The following TACC2 variants were observed in gnomAD, a reference collection of about 807,000 sequenced individuals.
TACC2 encodes the protein transforming acidic coiled-coil containing protein 2, also known as transforming acidic coiled-coil-containing protein 2.
TACC2 carries 137 observed loss-of-function variants against 227.3 expected under a neutral mutation model. The observed-to-expected ratio is 0.60, with a 90% CI of 0.52 to 0.69. TACC2 has a LOEUF of 0.69. Among genes scored for constraint, TACC2 ranks in the 30% least tolerant of loss-of-function variants. The pLI is 0.00. For missense variants in TACC2, 3,470 were observed against 3,694.4 expected, an observed-to-expected ratio of 0.94 and a Z score of 1.57; for synonymous variants, 1,523 against 1,487.5, an observed-to-expected ratio of 1.02 and a Z score of -0.55.
chr10:122,162,134 T>G (rs2092854071), intron 7 of TACC2, among the ~76,000 whole-genome samples: 1 of 152,292 alleles, frequency 6.6e-6, no homozygotes. Context: ...AAAGTAAACC[T>G]TCTCAGTGTT....
At chr10:122,185,051 A>G (rs1593062947) in intron 7 of TACC2, among the ~76,000 whole-genome samples, 4 of 117,732 alleles carry the variant, frequency 3.4e-5, no homozygotes, top group Admixed American at 2.1e-4. Context: ...TTTTTAGTAG[A>G]GCTGGGATCT....
intron 22 of TACC2, among the ~76,000 whole-genome samples, chr10:122,252,308 C>T (rs1240122099): frequency 6.6e-6 from 1 of 152,098 alleles, no homozygotes; most frequent in Non-Finnish European, 1.5e-5. Context: ...GCCTCCATTT[C>T]CTCACTGAAA....
intron 16 of TACC2, among the ~76,000 whole-genome samples, chr10:122,233,935 G>A (rs1034690167): frequency 7.9e-5 from 12 of 152,158 alleles, no homozygotes; most frequent in African/African-American, 1.2e-4. Context: ...AGCACCCAGC[G>A]GAGGCCACTC....
At chr10:122,123,376 T>C (rs1490728311) in intron 5 of TACC2, among the ~76,000 whole-genome samples, 2 of 152,190 alleles carry the variant, frequency 1.3e-5, no homozygotes, top group Admixed American at 1.3e-4. Flanking sequence ...CAGGCCACAC[T>C]TGTCCACCCA....
intron 7 of TACC2, among the ~76,000 whole-genome samples, chr10:122,185,174 A>G (rs1433671897): frequency 1.5e-5 from 2 of 133,796 alleles, no homozygotes; most frequent in Non-Finnish European, 3.2e-5. Context: ...CCTATCACAT[A>G]CTCTTTTCTT....
chr10:122,133,998 G>A (rs903994919), intron 6 of TACC2, among the ~76,000 whole-genome samples: 3 of 152,122 alleles, frequency 2.0e-5, no homozygotes, highest in Admixed American at 6.5e-5. Flanking sequence ...GCAGGCGGCC[G>A]ACAGCACCAA....
At chr10:122,019,070 A>G (rs557475757) in intron 1 of TACC2, among the ~76,000 whole-genome samples, 2 of 152,376 alleles carry the variant, frequency 1.3e-5, no homozygotes, top group African/African-American at 4.8e-5. Flanking sequence ...CTGAGTGGTA[A>G]TAACTGGAGG....
intron 22 of TACC2, among the ~76,000 whole-genome samples, chr10:122,251,763 A>C (rs891759489): frequency 6.6e-6 from 1 of 152,250 alleles, no homozygotes; most frequent in African/African-American, 2.4e-5. Context: ...CTATTGTAGC[A>C]GTTGAACATA....
chr10:122,238,880 GACAA>G (rs1015880087), intron 18 of TACC2, among the ~76,000 whole-genome samples: 1 of 152,128 alleles, frequency 6.6e-6, no homozygotes, highest in African/African-American at 2.4e-5. Context: ...AGTCTCTGTG[GACAA>G]ACATTTAGGA....
rs759521622 is a variant in TACC2, at chr10:122,210,944, G to A, written c.6519G>A (p.Thr2173=). Residue 2173 remains threonine (T), a synonymous_variant, in exon 9 of 23, where the codon ACG becomes ACA. Coordinates refer to ENST00000369005, the MANE Select transcript of TACC2 (RefSeq NM_206862.4). The surrounding 1 kb of genome is among the most constrained non-coding windows in gnomAD (Gnocchi z 4.6). ...GTGGGGAGAATCTAGCATCTGAGAC[G>A]AAAACGGAATCTGCCAAGACGGAAG... is the stretch of plus-strand genomic sequence containing the variant. ...VPSGENLASE[T]KTESAKTEGP... 1.4e-5 allele frequency: 22 copies of A among 1,613,870 alleles called. No individual in the cohort carries two copies. The highest frequency in any genetic ancestry group is 4.0e-5 in the African/African-American group (3 of 74,872).
At chr10:122,183,228 A>G (rs919769969) in intron 7 of TACC2, among the ~76,000 whole-genome samples, 29 of 152,028 alleles carry the variant, frequency 1.9e-4, no homozygotes, top group African/African-American at 7.0e-4. Context: ...AAACAAACAA[A>G]AAAAACAACA....
In TACC2 at chr10:122,225,572, C is replaced by T. The variant is rs149589939; in HGVS notation, c.7608+785C>T. ...AAAGAGCTTAGCTCTGTGGCCACAC[C>T]TGTGTCCCCAGTAGCTGAGGCCATA... On this transcript the variant is annotated intron_variant, in intron 12 of 22. Transcript: ENST00000369005. 3.9e-5 allele frequency among the ~76,000 whole-genome samples: 6 copies of T among 152,326 alleles called. No individual in the cohort carries two copies. In the East Asian group the frequency reaches 1.2e-3, roughly 29 times the overall value.
chr10:122,133,070 G>T (rs776560210), intron 6 of TACC2, among the ~76,000 whole-genome samples: 3 of 152,172 alleles, frequency 2.0e-5, no homozygotes, highest in Non-Finnish European at 4.4e-5. Context: ...GAGAGAACGT[G>T]CTACTTCTCC....
chr10:122,027,349 G>A (rs927183045), intron 2 of TACC2, among the ~76,000 whole-genome samples: 1 of 152,082 alleles, frequency 6.6e-6, no homozygotes, highest in Non-Finnish European at 1.5e-5. Flanking sequence ...TGTATATTTT[G>A]GATAAAGTGT....
intron 3 of TACC2, among the ~76,000 whole-genome samples, chr10:122,067,243 T>C (rs764214172): frequency 6.6e-6 from 1 of 152,208 alleles, no homozygotes; most frequent in South Asian, 2.1e-4. Flanking sequence ...GGTTATTCTT[T>C]TAGCTTTTGT....
At chr10:122,153,012 G>A (rs116859014) in intron 7 of TACC2, among the ~76,000 whole-genome samples, 4,852 of 26,760 alleles carry the variant, frequency 0.18, 192 homozygotes, top group East Asian at 0.34. Context: ...TTTTTTTTGA[G>A]ACGGAGTCTC....
chr10:122,093,535 C>T (rs2137355898), intron 5 of TACC2, among the ~76,000 whole-genome samples: 1 of 152,314 alleles, frequency 6.6e-6, no homozygotes, highest in East Asian at 1.9e-4. Flanking sequence ...ACAGACCTCA[C>T]CCCCGATTTT....
chr10:122,185,021 CTTT>C (rs34148046), intron 7 of TACC2, among the ~76,000 whole-genome samples: 4 of 95,304 alleles, frequency 4.2e-5, no homozygotes, highest in African/African-American at 8.6e-5. Flanking sequence ...GTCACTTATT[CTTT>C]TTTTTTTTTT....
chr10:122,031,592 A>G (rs1317144639), intron 2 of TACC2, among the ~76,000 whole-genome samples: 2 of 150,110 alleles, frequency 1.3e-5, no homozygotes, highest in African/African-American at 4.9e-5. Context: ...TTTAGTAGAG[A>G]TGGGGTTTCA....
Sources: allele counts gnomAD v4.1 joint callset (sites outside exome capture counted in the v4.1 genomes callset), GRCh38; gene constraint gnomAD v4.1.1; non-coding constraint Gnocchi (gnomAD v3.1); transcripts MANE v1.5; gene names NCBI Gene and HGNC (gene_info 2026-07-23, HGNC 2026-07-21).